The following NTRK3 variants were observed in gnomAD, a reference collection of about 807,000 sequenced individuals.
NTRK3 encodes the protein neurotrophic receptor tyrosine kinase 3.
A neutral mutation model predicts 91.7 loss-of-function variants in NTRK3; 24 were observed. The observed-to-expected ratio is 0.26, with a 90% CI of 0.19 to 0.37. The LOEUF is 0.37. Among genes scored for constraint, NTRK3 ranks in the 10% least tolerant of loss-of-function variants. The pLI, the probability that NTRK3 is intolerant of heterozygous loss-of-function variation, is 1.00. For synonymous variants in NTRK3, 483 were observed against 404.0 expected, an observed-to-expected ratio of 1.20 and a Z score of -2.34; for missense variants, 880 against 1,068.9, an observed-to-expected ratio of 0.82 and a Z score of 2.46.
rs946441220 is a variant in NTRK3, at chr15:87,995,808, G to A, written c.1585+37049C>T. ...CTACTCAACTCTGCCGTTGCAGCAC[G>A]AAGGCAGCCATAGACAATGTGCAAT... On this transcript the variant is annotated intron_variant, in intron 14 of 18. Transcript: ENST00000394480. Among the ~76,000 whole-genome samples, 10 of 152,212 alleles carry A rather than the reference G, an allele frequency of 6.6e-5. No individual in the cohort carries two copies. In the South Asian group the frequency reaches 1.0e-3, roughly 16 times the overall value.
chr15:87,890,418 C>T (rs1363549151), intron 17 of NTRK3, among the ~76,000 whole-genome samples: 1 of 152,158 alleles, frequency 6.6e-6, no homozygotes, highest in Non-Finnish European at 1.5e-5. Context: ...TATTTGGCTA[C>T]ACTGGAAACT....
chr15:88,184,746 TG>T (rs2046816953), intron 3 of NTRK3, among the ~76,000 whole-genome samples: 1 of 151,688 alleles, frequency 6.6e-6, no homozygotes, highest in Non-Finnish European at 1.5e-5. Flanking sequence ...AAGGACGGGG[TG>T]GCCGGCTGGC....
chr15:88,234,419 G>C lies in NTRK3; in HGVS notation c.248+21487C>G, dbSNP rs994662315. Among the ~76,000 whole-genome samples, 7 of 152,140 alleles carry C rather than the reference G, an allele frequency of 4.6e-5. No homozygotes were observed. The highest frequency in any genetic ancestry group is 1.4e-4 in the African/African-American group (6 of 41,414). The stretch of plus-strand genomic sequence containing the variant: ...TCATTATAAGAAGCCCATATTCCTT[G>C]GGCCTGCACAGTCTCTCCCCTCTCG... On this transcript the variant is annotated intron_variant, in intron 3 of 18. Transcript: ENST00000394480. This position sits in a 1 kb window ranked among gnomAD's most constrained non-coding sequence, Gnocchi z 6.1.
At chr15:87,902,891 C>T (rs1299367407) in intron 17 of NTRK3, among the ~76,000 whole-genome samples, 1 of 152,278 alleles carries the variant, frequency 6.6e-6, no homozygotes, top group East Asian at 1.9e-4. Context: ...GATAAGCCTC[C>T]TCTCACCCCG....
At chr15:87,860,420 C>T in exon 19 of NTRK3, 1 of 220,230 alleles carries the variant, frequency 4.5e-6, no homozygotes, top group Non-Finnish European at 9.1e-6. Context: ...TTCAACATAT[C>T]CCTTAATATC....
chr15:88,198,851 G>A (rs1597902908), intron 3 of NTRK3, among the ~76,000 whole-genome samples: 2 of 152,122 alleles, frequency 1.3e-5, no homozygotes, highest in African/African-American at 2.4e-5. Flanking sequence ...ACAAAACAGA[G>A]AGCTGAGGAG....
intron 13 of NTRK3, among the ~76,000 whole-genome samples, chr15:88,117,815 G>A (rs2052267515): frequency 6.6e-6 from 1 of 152,220 alleles, no homozygotes; most frequent in South Asian, 2.1e-4. Flanking sequence ...GGATAGTGAG[G>A]AAGAGAGACA....
At chr15:87,915,874 C>CT (rs2067412439) in intron 17 of NTRK3, among the ~76,000 whole-genome samples, 2 of 151,886 alleles carry the variant, frequency 1.3e-5, no homozygotes, top group Non-Finnish European at 2.9e-5. Flanking sequence ...AGTAAATTTC[C>CT]TAAGGCCAAA....
chr15:88,030,056 GA>G (rs1422670874), intron 14 of NTRK3, among the ~76,000 whole-genome samples: 1 of 152,236 alleles, frequency 6.6e-6, no homozygotes, highest in Non-Finnish European at 1.5e-5. Flanking sequence ...TGATGGAACA[GA>G]AAGTCCCACT....
chr15:87,961,076 C>T (rs2072236194), intron 14 of NTRK3, among the ~76,000 whole-genome samples: 1 of 152,182 alleles, frequency 6.6e-6, no homozygotes, highest in African/African-American at 2.4e-5. Context: ...CTAATGCCTA[C>T]CTGGCCTCTC....
At chr15:87,912,933 T>A (rs12439539) in intron 17 of NTRK3, among the ~76,000 whole-genome samples, 159 of 17,170 alleles carry the variant, frequency 9.3e-3, no homozygotes, top group East Asian at 0.045. Context: ...TAAAAAAAAA[T>A]ATATATATAT....
chr15:88,230,143 A>G (rs1186641782), intron 3 of NTRK3, among the ~76,000 whole-genome samples: 2 of 152,244 alleles, frequency 1.3e-5, no homozygotes, highest in East Asian at 3.9e-4. Context: ...GGGAATCATA[A>G]CACCTACCTT....
At chr15:88,079,425 A>G (rs2047852752) in intron 13 of NTRK3, among the ~76,000 whole-genome samples, 1 of 152,188 alleles carries the variant, frequency 6.6e-6, no homozygotes, top group Non-Finnish European at 1.5e-5. Context: ...TAGGAGGCAG[A>G]CAAGTACAGA....
chr15:88,220,116 A>C (rs2050116021), intron 3 of NTRK3, among the ~76,000 whole-genome samples: 1 of 152,214 alleles, frequency 6.6e-6, no homozygotes, highest in Non-Finnish European at 1.5e-5. Flanking sequence ...AAATATAATA[A>C]GATAAAATAA....
rs142136307 is a variant in NTRK3, at chr15:88,221,851, T to C, written c.248+34055A>G. Among the ~76,000 whole-genome samples, 541 of 152,212 alleles carry C rather than the reference T, an allele frequency of 3.6e-3. 1 individual carries two copies. The highest frequency in any genetic ancestry group is 6.6e-3 in the South Asian group (32 of 4,818). On this transcript the variant is annotated intron_variant, in intron 3 of 18. Transcript: ENST00000394480. Reference sequence around the variant, plus strand: ...CTAATGACACAGCTGTTGAGACCGATTAGGCTGCACAATAGAAAAATTACA... The same window carrying C: ...CTAATGACACAGCTGTTGAGACCGACTAGGCTGCACAATAGAAAAATTACA...
chr15:88,144,698 G>T (rs1051816496), intron 6 of NTRK3, among the ~76,000 whole-genome samples: 1 of 152,130 alleles, frequency 6.6e-6, no homozygotes, highest in African/African-American at 2.4e-5. Flanking sequence ...TCCCTCATTT[G>T]TAACACTGGT....
At chr15:87,952,786 T>C (rs764901958) in intron 14 of NTRK3, among the ~76,000 whole-genome samples, 1 of 152,048 alleles carries the variant, frequency 6.6e-6, no homozygotes. Flanking sequence ...AAGGTATATG[T>C]TCCCATTCCC....
exon 19 of NTRK3, chr15:87,876,938 G>A (rs2064972538): frequency 6.2e-7 from 1 of 1,613,912 alleles, no homozygotes; most frequent in Non-Finnish European, 8.5e-7. Flanking sequence ...GCCACCACTA[G>A]CCAAGAATGT....
chr15:87,953,923 C>G (rs980668823), intron 14 of NTRK3, among the ~76,000 whole-genome samples: 2 of 152,120 alleles, frequency 1.3e-5, no homozygotes, highest in African/African-American at 4.8e-5. Flanking sequence ...CCATCTGCCC[C>G]TCCTCCGTGC....
Sources: allele counts gnomAD v4.1 joint callset (sites outside exome capture counted in the v4.1 genomes callset), GRCh38; gene constraint gnomAD v4.1.1; non-coding constraint Gnocchi (gnomAD v3.1); transcripts MANE v1.5; gene names NCBI Gene and HGNC (gene_info 2026-07-23, HGNC 2026-07-21).